ZNF28: variants seen among roughly 807,000 people sequenced by gnomAD.
ZNF28 encodes zinc finger protein 28.
In ZNF28, 5 loss-of-function variants were observed where a neutral mutation model predicts 7.2. That is an observed-to-expected ratio of 0.70 (90% CI 0.36 to 1.46). The LOEUF is 1.46. ZNF28 is among the 40% of genes most tolerant of loss of function. ZNF28 has a pLI of 0.03. For synonymous variants in ZNF28, 288 were observed against 292.4 expected, an observed-to-expected ratio of 0.99 and a Z score of 0.15; for missense variants, 879 against 866.6, an observed-to-expected ratio of 1.01 and a Z score of -0.18.
intron 1 of ZNF28, among the ~76,000 whole-genome samples, chr19:52,821,165 G>A (rs1281603170): frequency 3.3e-5 from 5 of 150,524 alleles, no homozygotes; most frequent in African/African-American, 1.2e-4. Flanking sequence ...ACAAGGGTGG[G>A]ATCCGCAGGA....
At position 52,814,436 on chromosome 19, in the gene ZNF28, C is replaced by G. The variant is rs976966427; in HGVS notation, c.15+3508G>C. 150 of 145,240 alleles carry G rather than the reference C, an allele frequency of 1.0e-3. 25 individuals carry two copies. Among genetic ancestry groups the G allele is most frequent in the African/African-American group, 3.7e-3 (137 of 37,328 alleles). The allele number at this position is 145,240 out of a possible 1,614,324, so 9.0% of individuals were successfully genotyped here. Reference sequence around the variant, plus strand: ...TGAAACACCGTCTCTCCTAAAAATACAAAAAAAATTAGCCACGGGTGATGG... The same window carrying G: ...TGAAACACCGTCTCTCCTAAAAATAGAAAAAAAATTAGCCACGGGTGATGG... On this transcript the variant is annotated intron_variant, in intron 2 of 3. Coordinates refer to ENST00000457749, the MANE Select transcript of ZNF28 (RefSeq NM_006969.5).
In ZNF28 at chr19:52,799,118, A is replaced by T; in HGVS notation, c.*570T>A. 1 of 413,300 alleles carries T rather than the reference A, an allele frequency of 2.4e-6. No individual in the cohort carries two copies. Among genetic ancestry groups the T allele is most frequent in the Non-Finnish European group, 4.7e-6 (1 of 212,534 alleles). The allele number at this position is 413,300 out of a possible 1,614,324, so 25.6% of individuals were successfully genotyped here. A position where few individuals can be genotyped will look rare whatever the true frequency, so the allele number is the denominator to read the frequency against. ...CACATTTGTAAGATTTCTCTGCAGT[A>T]TGAAGACTATGATGACTTGCAAGGT... is the stretch of plus-strand genomic sequence containing the variant. On this transcript the variant is annotated 3_prime_UTR_variant, in exon 4 of 4. Transcript: ENST00000457749.
chr19:52,811,352 CAT>C (rs2063034986), intron 2 of ZNF28, among the ~76,000 whole-genome samples: 1 of 147,852 alleles, frequency 6.8e-6, no homozygotes, highest in African/African-American at 2.6e-5. Flanking sequence ...CCTGGCCGCC[CAT>C]TGTCTGGGAT....
rs1329182722 is a variant in ZNF28 at position 52,810,238 on chromosome 19, T to C, written c.16-2105A>G. On this transcript the variant is annotated intron_variant, in intron 2 of 3. Transcript: ENST00000457749. ...AACGACGTAGAGAAGCAGAGGAATA[T>C]GAGTCTACCTCCAGGCAATGCTGGC... is the stretch of plus-strand genomic sequence containing the variant. The C allele has an allele frequency of 7.5e-6, 9 of 1,192,504 alleles. No individual in the cohort carries two copies. In the East Asian group the frequency reaches 1.9e-4, roughly 25 times the overall value. 73.9% of individuals were successfully genotyped at this position (1,192,504 alleles called of 1,614,324 possible). A position where few individuals can be genotyped will look rare whatever the true frequency, so the allele number is the denominator to read the frequency against.
Position 52,811,462 on chromosome 19 carries a change from G to A in ZNF28, c.16-3329C>T, listed in dbSNP as rs1015137018. 1.8e-4 allele frequency among the ~76,000 whole-genome samples: 26 copies of A among 147,638 alleles called. No individual in the cohort carries two copies. In the South Asian group the frequency reaches 2.4e-3, roughly 13 times the overall value. Reference sequence around the variant, plus strand: ...AGGAAGCGAGGAGCGCCTCTTCCCCGCCGCCATCCCATCTAGGAAGTGAGG... The same window carrying A: ...AGGAAGCGAGGAGCGCCTCTTCCCCACCGCCATCCCATCTAGGAAGTGAGG... On this transcript the variant is annotated intron_variant, in intron 2 of 3. Transcript: ENST00000457749.
chr19:52,812,547 T>C (rs1276779246), intron 2 of ZNF28, among the ~76,000 whole-genome samples: 1 of 125,288 alleles, frequency 8.0e-6, no homozygotes, highest in Admixed American at 8.0e-5. Context: ...TGTGCTTTGT[T>C]AAACAGATGC....
At chr19:52,809,473 C>T (rs2062984183) in intron 2 of ZNF28, among the ~76,000 whole-genome samples, 1 of 152,102 alleles carries the variant, frequency 6.6e-6, no homozygotes, top group South Asian at 2.1e-4. Flanking sequence ...CTGGCGTCTA[C>T]TTGAGGGTGG....
At chr19:52,813,809 G>C (rs1325942833) in intron 2 of ZNF28, among the ~76,000 whole-genome samples, 1 of 146,420 alleles carries the variant, frequency 6.8e-6, no homozygotes, top group Non-Finnish European at 1.5e-5. Flanking sequence ...CCTTGTTTTG[G>C]GGGGTTTAGA....
intron 2 of ZNF28, chr19:52,810,159 G>A (rs550109085): frequency 1.1e-5 from 10 of 944,342 alleles, no homozygotes; most frequent in African/African-American, 6.4e-5. Context: ...GGAAGCTATC[G>A]AAGCTGGAGT....
intron 1 of ZNF28, among the ~76,000 whole-genome samples, chr19:52,819,584 C>T (rs62120986): frequency 0.02 from 1,105 of 56,176 alleles, 202 homozygotes; most frequent in Middle Eastern, 0.058. Context: ...GCAGGGGAGG[C>T]TCACTGGGGC....
In ZNF28 at chr19:52,799,884, T is replaced by C. The variant is rs748185074; in HGVS notation, c.1961A>G (p.His654Arg). The C allele has an allele frequency of 6.2e-6, 10 of 1,614,030 alleles. No homozygotes were observed. The South Asian group carries it at 7.7e-5, about 12-fold the overall frequency. The change falls in exon 4 of 4, where the codon CAT becomes CGT. Residue 654 changes from histidine to arginine, a missense_variant. Physicochemically the swap from His to Arg is conservative, Grantham distance 29 (BLOSUM62 0). Coordinates refer to ENST00000457749, the MANE Select transcript of ZNF28 (RefSeq NM_006969.5). ...FSQMSSLVYH[H>R]RLHSGEKPYK... is the part of the protein sequence containing the mutation. ...AGGTTTCTCTCCACTATGAAGCCTATGATGGTATACGAGGGATGACATCTG... is the reference window on the plus strand; with the variant it reads ...AGGTTTCTCTCCACTATGAAGCCTACGATGGTATACGAGGGATGACATCTG...
intron 3 of ZNF28, among the ~76,000 whole-genome samples, chr19:52,802,744 GA>G (rs1394035386): frequency 4.0e-5 from 6 of 148,950 alleles, no homozygotes; most frequent in African/African-American, 1.5e-4. Flanking sequence ...TATCCATGTG[GA>G]ACAGGCACGT....
In ZNF28 at chr19:52,810,452, C is replaced by T. The variant is rs559526806; in HGVS notation, c.16-2319G>A. ...CCAAAGGGTTTGCATATATAGAGTT[C>T]TCAAAGAGTCAGTGAGGACTTCCTT... On this transcript the variant is annotated intron_variant, in intron 2 of 3. Coordinates refer to ENST00000457749, the MANE Select transcript of ZNF28 (RefSeq NM_006969.5). 76 of 1,595,872 alleles carry T rather than the reference C, an allele frequency of 4.8e-5. No individual in the cohort carries two copies. The African/African-American group carries it at 8.6e-4, about 18-fold the overall frequency.
At chr19:52,803,888 T>A (rs552094022) in intron 3 of ZNF28, among the ~76,000 whole-genome samples, 1 of 152,034 alleles carries the variant, frequency 6.6e-6, no homozygotes, top group Admixed American at 6.6e-5. Flanking sequence ...ACCCAGAAGG[T>A]GAAGGTTGCA....
intron 2 of ZNF28, 143 bp from the exon 3 acceptor site, chr19:52,808,276 T>A: frequency 6.8e-7 from 1 of 1,468,900 alleles, no homozygotes; most frequent in Non-Finnish European, 9.1e-7. Context: ...CCACATGATG[T>A]TTTTATTATA....
chr19:52,801,456 T>C lies in ZNF28; in HGVS notation c.389A>G (p.His130Arg). ...ATCTTTAATATGCTTGTTTCCAGCA[T>C]GCCTTTGATCATGTTGGCCTGTACT... Reference protein sequence around the residue: ...TGSTGQHDQRHAGNKHIKDQL... With the variant: ...TGSTGQHDQRRAGNKHIKDQL... Residue 130 changes from histidine to arginine, a missense_variant, in exon 4 of 4, where the codon CAT (histidine) becomes CGT (arginine). This residue lies in a region of ZNF28 where 864 missense variants were observed against 830.2 expected (regional missense o/e 1.04). Transcript: ENST00000457749. The C allele has an allele frequency of 1.2e-6, 2 of 1,614,230 alleles. No homozygotes were observed. The highest frequency in any genetic ancestry group is 2.7e-5 in the African/African-American group (2 of 75,072).
intron 3 of ZNF28, among the ~76,000 whole-genome samples, chr19:52,806,910 A>G (rs910972653): frequency 6.6e-6 from 1 of 152,196 alleles, no homozygotes; most frequent in Non-Finnish European, 1.5e-5. Flanking sequence ...ATAAAAAAAG[A>G]GAGAAAGAAA....
At chr19:52,817,704 T>C (rs2063144517) in intron 2 of ZNF28, among the ~76,000 whole-genome samples, 1 of 152,140 alleles carries the variant, frequency 6.6e-6, no homozygotes, top group African/African-American at 2.4e-5. Flanking sequence ...CCCGTCTCCA[T>C]CCATGTCTGG....
intron 3 of ZNF28, among the ~76,000 whole-genome samples, chr19:52,803,948 C>T (rs1409656678): frequency 6.6e-6 from 1 of 152,132 alleles, no homozygotes; most frequent in African/African-American, 2.4e-5. Flanking sequence ...CAGGATGAGA[C>T]TCCATCTCAA....
Sources: gnomAD v4.1 joint callset for allele counts (sites outside exome capture counted in the v4.1 genomes callset) on GRCh38, gnomAD v4.1.1 for gene constraint, gnomAD v4.1.1 regional missense constraint, MANE v1.5 for transcripts, NCBI Gene and HGNC (gene_info 2026-07-23, HGNC 2026-07-21) for gene names.